Variants in KCNMA1 observed in about 807,000 individuals in gnomAD.
The protein encoded by KCNMA1 is Calcium-activated potassium channel subunit alpha-1.
KCNMA1 carries 29 observed loss-of-function variants against 140.0 expected under a neutral mutation model. The observed-to-expected ratio is 0.21, with a 90% CI of 0.15 to 0.28. KCNMA1 has a LOEUF of 0.28. Ranked by LOEUF, KCNMA1 falls within the 10% of genes least tolerant of loss-of-function variation. KCNMA1 has a pLI of 1.00. For missense variants in KCNMA1, 880 were observed against 1,602.2 expected (o/e 0.55, Z 7.70); for synonymous variants, 612 against 611.9 (o/e 1.00, Z 0.00).
intron 2 of KCNMA1, among the ~76,000 whole-genome samples, chr10:77,287,315 TG>T (rs1363967024): frequency 1.2e-4 from 19 of 152,216 alleles, no homozygotes; most frequent in African/African-American, 4.6e-4. Flanking sequence ...AGTACGTCAC[TG>T]CCCCATACAC....
chr10:77,086,226 G>A (rs1033562514), intron 11 of KCNMA1, among the ~76,000 whole-genome samples: 4 of 152,128 alleles, frequency 2.6e-5, no homozygotes, highest in Non-Finnish European at 5.9e-5. Flanking sequence ...TGATTTTGAG[G>A]AATCCAGCAA....
intron 17 of KCNMA1, among the ~76,000 whole-genome samples, chr10:77,017,496 C>T (rs2092282154): frequency 6.6e-6 from 1 of 152,132 alleles, no homozygotes; most frequent in Non-Finnish European, 1.5e-5. Flanking sequence ...AGGTATTTTT[C>T]CCCCACAACT....
chr10:77,320,318 G>A (rs1181467998), intron 2 of KCNMA1, among the ~76,000 whole-genome samples: 1 of 152,144 alleles, frequency 6.6e-6, no homozygotes, highest in Non-Finnish European at 1.5e-5. Flanking sequence ...GCATTAATTT[G>A]GACATAAGAT....
intron 1 of KCNMA1, among the ~76,000 whole-genome samples, chr10:77,428,132 C>G (rs1249832783): frequency 6.6e-6 from 1 of 152,132 alleles, no homozygotes; most frequent in Non-Finnish European, 1.5e-5. Context: ...GTGAATTACA[C>G]TCATTCAATC....
chr10:77,637,469 C>T lies in KCNMA1; in HGVS notation c.174G>A (p.Ser58=). 1 of 1,610,324 alleles carries T rather than the reference C, an allele frequency of 6.2e-7. No individual in the cohort carries two copies. The highest frequency in any genetic ancestry group is 8.5e-7 in the Non-Finnish European group (1 of 1,178,264). ...CCATCTTGGGCTCGTGGACCGAGGA[C>T]GAGGAGGAAGAGGAGGAGGAAGAAG... The part of the protein sequence containing the change: ...SSSSSSSSSS[S]SSVHEPKMDA... Residue 58 remains serine (S), a synonymous_variant, in exon 1 of 28, where the codon TCG becomes TCA. Transcript: ENST00000286628.
chr10:77,466,223 C>T (rs1014068702), intron 1 of KCNMA1, among the ~76,000 whole-genome samples: 3 of 152,318 alleles, frequency 2.0e-5, no homozygotes, highest in African/African-American at 7.2e-5. Flanking sequence ...CGCCTGGTCT[C>T]CCTAACTAGA....
chr10:77,488,270 G>A (rs1318557097), intron 1 of KCNMA1, among the ~76,000 whole-genome samples: 1 of 152,218 alleles, frequency 6.6e-6, no homozygotes, highest in Non-Finnish European at 1.5e-5. Flanking sequence ...GAGCTGTGAG[G>A]ATGAGATTTC....
chr10:76,942,784 C>T (rs1489456801), intron 23 of KCNMA1, among the ~76,000 whole-genome samples: 1 of 152,152 alleles, frequency 6.6e-6, no homozygotes, highest in Non-Finnish European at 1.5e-5. Flanking sequence ...TTCCTGCCTC[C>T]TCCTGCTGGC....
intron 3 of KCNMA1, among the ~76,000 whole-genome samples, chr10:77,236,817 T>C (rs2055652402): frequency 6.6e-6 from 1 of 152,244 alleles, no homozygotes; most frequent in Non-Finnish European, 1.5e-5. Flanking sequence ...TTTATTTATG[T>C]ATGTACTTTT....
Position 77,567,240 on chromosome 10 carries a change from G to A in KCNMA1, c.378+70025C>T, listed in dbSNP as rs562464478. Among the ~76,000 whole-genome samples the A allele has an allele frequency of 7.9e-5, 12 of 152,340 alleles. No individual in the cohort carries two copies. The South Asian group carries it at 2.1e-3, about 26-fold the overall frequency. ...TTAGATTAATTGGAATTTGCAGGCT[G>A]TGCCCAACCAAGATCCATATCTGTC... On this transcript the variant is annotated intron_variant, in intron 1 of 27. Transcript: ENST00000286628.
intron 1 of KCNMA1, among the ~76,000 whole-genome samples, chr10:77,502,066 C>T (rs61856125): frequency 0.012 from 1,897 of 152,234 alleles, 28 homozygotes; most frequent in Non-Finnish European, 0.021. Context: ...GACAGAGAGG[C>T]CCTAAGGCAG....
At chr10:76,948,647 G>C (rs1192647501) in intron 22 of KCNMA1, among the ~76,000 whole-genome samples, 1 of 152,138 alleles carries the variant, frequency 6.6e-6, no homozygotes, top group South Asian at 2.1e-4. Context: ...AAATGAACAG[G>C]GGTTGGGGCT....
chr10:76,920,221 A>G (rs1401397214), intron 23 of KCNMA1, among the ~76,000 whole-genome samples: 1 of 151,538 alleles, frequency 6.6e-6, no homozygotes, highest in Non-Finnish European at 1.5e-5. Flanking sequence ...AAAGGCAAGA[A>G]TACTCTAGAC....
chr10:77,187,460 A>G (rs1352615396), intron 3 of KCNMA1, among the ~76,000 whole-genome samples: 1 of 152,222 alleles, frequency 6.6e-6, no homozygotes. Context: ...GAAGCCATAC[A>G]AGACCTTTTC....
chr10:77,387,257 GAAAAGA>G (rs1357523938), intron 2 of KCNMA1, among the ~76,000 whole-genome samples: 1 of 152,146 alleles, frequency 6.6e-6, no homozygotes, highest in Non-Finnish European at 1.5e-5. Flanking sequence ...TATGAAAAAA[GAAAAGA>G]AAAAGAAGGC....
chr10:76,932,561 T>C (rs1009425018), intron 23 of KCNMA1, among the ~76,000 whole-genome samples: 2 of 152,172 alleles, frequency 1.3e-5, no homozygotes, highest in African/African-American at 4.8e-5. Context: ...CTGCAGCCAT[T>C]ATGTCTTTGT....
intron 1 of KCNMA1, among the ~76,000 whole-genome samples, chr10:77,588,053 G>C (rs551976975): frequency 1.3e-5 from 2 of 152,312 alleles, no homozygotes; most frequent in African/African-American, 4.8e-5. Flanking sequence ...AAGGGGCCTG[G>C]ATCACATCTT....
chr10:77,117,442 G>A (rs1344420937), intron 6 of KCNMA1, among the ~76,000 whole-genome samples: 10 of 150,696 alleles, frequency 6.6e-5, no homozygotes, highest in African/African-American at 2.0e-4. Flanking sequence ...CCAGCTACTC[G>A]GGAGGCTGAG....
chr10:77,600,044 T>C (rs570859081), intron 1 of KCNMA1, among the ~76,000 whole-genome samples: 2 of 152,348 alleles, frequency 1.3e-5, no homozygotes, highest in Non-Finnish European at 1.5e-5. Flanking sequence ...ACCCTGAGCA[T>C]ACGCTGTGGG....
Sources: gnomAD v4.1 joint callset for allele counts (sites outside exome capture counted in the v4.1 genomes callset) on GRCh38, gnomAD v4.1.1 for gene constraint, MANE v1.5 for transcripts, NCBI Gene and HGNC (gene_info 2026-07-23, HGNC 2026-07-21) for gene names.